ALLC: variants seen among roughly 807,000 people sequenced by gnomAD.
ALLC encodes the protein probable inactive allantoicase.
In ALLC, 40 loss-of-function variants were observed where a neutral mutation model predicts 45.0. The ratio of observed to expected loss-of-function variants is 0.89; its 90% CI spans 0.69 to 1.16. The LOEUF (loss-of-function observed/expected upper bound fraction) is 1.16, where lower values mean the gene tolerates loss of function less well. ALLC is among the 50% of genes most tolerant of loss of function. The pLI is 0.00. For synonymous variants in ALLC, 176 were observed against 178.1 expected, an observed-to-expected ratio of 0.99 and a Z score of 0.09; for missense variants, 488 against 493.1, an observed-to-expected ratio of 0.99 and a Z score of 0.10.
upstream of ALLC, among the ~76,000 whole-genome samples, chr2:3,655,225 T>C (rs2147987050): frequency 1.3e-5 from 2 of 152,348 alleles, no homozygotes; most frequent in Middle Eastern, 6.8e-3. Flanking sequence ...CTTCCGGAAC[T>C]TCACCTGGAA....
At chr2:3,661,907 T>C (rs1021374219) in intron 1 of ALLC, among the ~76,000 whole-genome samples, 2 of 152,200 alleles carry the variant, frequency 1.3e-5, no homozygotes, top group Admixed American at 6.5e-5. Flanking sequence ...CCAGGTGGGC[T>C]GGGTTCCCCC....
the ALLC span, among the ~76,000 whole-genome samples, chr2:3,648,055 T>C: frequency 4.8e-3 from 736 of 152,192 alleles, 2 homozygotes; most frequent in Non-Finnish European, 8.5e-3. Context: ...CAATGGGCAG[T>C]GGGTGTCCTG....
chr2:3,681,756 A>C (rs980420060), intron 6 of ALLC, 43 bp downstream of exon 6: 1 of 1,495,920 alleles, frequency 6.7e-7, no homozygotes, highest in South Asian at 1.2e-5. Context: ...ACCAATTATT[A>C]GGAGAGTAGG....
chr2:3,668,517 C>A (rs1000837771), intron 1 of ALLC, among the ~76,000 whole-genome samples: 2 of 150,734 alleles, frequency 1.3e-5, no homozygotes. Flanking sequence ...TGGTGTCTCT[C>A]CTCTCCCTCT....
In ALLC at chr2:3,696,324, G is replaced by C. The variant is rs1391572924; in HGVS notation, c.717G>C (p.Arg239Ser). 6 of 1,613,450 alleles carry C rather than the reference G, an allele frequency of 3.7e-6. No homozygotes were observed. Among genetic ancestry groups the C allele is most frequent in the South Asian group, 2.2e-5 (2 of 90,928 alleles). ...CGGATGGTTGGGAAACTGCAAGAAGGCTGGACCGGCCACCAATATTAGAAG... is the reference window on the plus strand; with the variant it reads ...CGGATGGTTGGGAAACTGCAAGAAGCCTGGACCGGCCACCAATATTAGAAG... The part of the protein sequence containing the change: ...SMADGWETAR[R>S]LDRPPILEND... Residue 239 changes from arginine to serine, a missense_variant, in exon 9 of 12, where the codon AGG becomes AGC. Physicochemically the swap from Arg to Ser is moderately radical, Grantham distance 110 (BLOSUM62 -1). Transcript: ENST00000252505.
chr2:3,647,217 GT>G, the ALLC span, among the ~76,000 whole-genome samples: 1 of 152,092 alleles, frequency 6.6e-6, no homozygotes, highest in Non-Finnish European at 1.5e-5. Context: ...ACACACATAC[GT>G]CTAAGAAGCA....
chr2:3,675,629 C>T (rs1388474784), intron 3 of ALLC, among the ~76,000 whole-genome samples: 5 of 152,074 alleles, frequency 3.3e-5, no homozygotes, highest in Admixed American at 3.3e-4. Flanking sequence ...CACTTACACA[C>T]TACATATGTG....
intron 1 of ALLC, among the ~76,000 whole-genome samples, chr2:3,662,062 C>G (rs1242603427): frequency 6.6e-6 from 1 of 152,208 alleles, no homozygotes; most frequent in Non-Finnish European, 1.5e-5. Flanking sequence ...AACTTCAGAG[C>G]TCAGCCATGA....
rs776828572 is a variant in ALLC, at chr2:3,702,351, C to T, written c.976-12C>T. 40 of 1,611,794 alleles carry T rather than the reference C, an allele frequency of 2.5e-5. No homozygotes were observed. The highest frequency in any genetic ancestry group is 4.0e-5 in the African/African-American group (3 of 74,896). On this transcript the variant is annotated splice_polypyrimidine_tract_variant and intron_variant, in intron 11 of 11. Coordinates refer to ENST00000252505, the MANE Select transcript of ALLC (RefSeq NM_018436.4). The stretch of plus-strand genomic sequence containing the variant: ...TAACAGACTAGGACCTCTGCATCTG[C>T]TTGCTTTTCAGTTGTCTCCCAACCA...
the ALLC span, among the ~76,000 whole-genome samples, chr2:3,651,344 T>G: frequency 8.1e-4 from 1 of 1,232 alleles, no homozygotes. Context: ...TGTGTGTGTG[T>G]GTGTGTGTGT....
intron 7 of ALLC, among the ~76,000 whole-genome samples, chr2:3,690,453 T>A: frequency 1.6e-5 from 1 of 61,452 alleles, no homozygotes. Flanking sequence ...TCCCCTCCCC[T>A]CCCCTCCCTT....
At chr2:3,659,147 C>G (rs1440433349) in intron 1 of ALLC, among the ~76,000 whole-genome samples, 1 of 152,160 alleles carries the variant, frequency 6.6e-6, no homozygotes, top group Non-Finnish European at 1.5e-5. Context: ...ACAGCGATGA[C>G]AAAGCCCCTG....
Position 3,663,636 on chromosome 2 carries a change from G to A in ALLC, c.-63+5342G>A, listed in dbSNP as rs572054844. Among the ~76,000 whole-genome samples the A allele has an allele frequency of 4.6e-5, 7 of 152,234 alleles. No homozygotes were observed. In the East Asian group the frequency reaches 1.2e-3, roughly 25 times the overall value. On this transcript the variant is annotated intron_variant, in intron 1 of 11. Coordinates refer to ENST00000252505, the MANE Select transcript of ALLC (RefSeq NM_018436.4). ...ACAGTATCTGCCTGGTGCACAGTAG[G>A]TCTTCAATGGTAAGTAGCCAAATAG...
In ALLC at chr2:3,679,990, A is replaced by G. The variant is rs766957288; in HGVS notation, c.294A>G (p.Glu98=). 1.4e-5 allele frequency: 23 copies of G among 1,613,778 alleles called. No homozygotes were observed. The South Asian group carries it at 1.5e-4, about 11-fold the overall frequency. Residue 98 remains glutamate (E), a synonymous_variant, in exon 5 of 12, where the codon GAA becomes GAG. Coordinates refer to ENST00000252505, the MANE Select transcript of ALLC (RefSeq NM_018436.4). Reference sequence around the variant, plus strand: ...TGTCCATTCAAGCAGCAAACTTGGAAGAAGGTGCGTTAGGAACCACTGTCC... The same window carrying G: ...TGTCCATTCAAGCAGCAAACTTGGAGGAAGGTGCGTTAGGAACCACTGTCC... The part of the protein sequence containing the change: ...PRVSIQAANL[E]EDKLPEIPER...
At chr2:3,649,618 T>C in the ALLC span, among the ~76,000 whole-genome samples, 7 of 152,360 alleles carry the variant, frequency 4.6e-5, no homozygotes, top group South Asian at 1.4e-3. Flanking sequence ...AGAAATAAGA[T>C]CCATGTTACC....
intron 7 of ALLC, among the ~76,000 whole-genome samples, chr2:3,690,595 A>C (rs1261342408): frequency 2.6e-5 from 4 of 151,560 alleles, no homozygotes; most frequent in Admixed American, 6.6e-5. Flanking sequence ...TTATAAAAAC[A>C]TCTTATAACA....
chr2:3,646,947 G>A, the ALLC span, among the ~76,000 whole-genome samples: 1 of 80,326 alleles, frequency 1.2e-5, no homozygotes, highest in African/African-American at 3.1e-5. Flanking sequence ...GGTTGTCACT[G>A]AGCAGGTCAT....
chr2:3,672,881 G>C (rs1312196234), intron 2 of ALLC, among the ~76,000 whole-genome samples: 2 of 152,262 alleles, frequency 1.3e-5, no homozygotes, highest in Non-Finnish European at 2.9e-5. Flanking sequence ...TGGGGTGCAG[G>C]CTGTGCTCAG....
chr2:3,701,314 T>G (rs1240683003), intron 10 of ALLC, among the ~76,000 whole-genome samples, 198 bp from the exon 11 acceptor site: 4 of 152,166 alleles, frequency 2.6e-5, no homozygotes, highest in Non-Finnish European at 4.4e-5. Flanking sequence ...AAAAGAAATG[T>G]CTATTTCATG....
Sources: gnomAD v4.1 joint callset for allele counts (sites outside exome capture counted in the v4.1 genomes callset) on GRCh38, gnomAD v4.1.1 for gene constraint, MANE v1.5 for transcripts, NCBI Gene and HGNC (gene_info 2026-07-23, HGNC 2026-07-21) for gene names.